Variants in EPB41L3 observed in about 807,000 individuals in gnomAD.
The protein encoded by EPB41L3 is band 4.1-like protein 3.
A neutral mutation model predicts 127.1 loss-of-function variants in EPB41L3; 57 were observed. The ratio of observed to expected loss-of-function variants is 0.45; its 90% CI spans 0.36 to 0.56. The LOEUF is 0.56. Among genes scored for constraint, EPB41L3 ranks in the 20% least tolerant of loss-of-function variants. The pLI is 0.00. For synonymous variants in EPB41L3, 572 were observed against 549.5 expected (o/e 1.04, Z -0.57); for missense variants, 1,273 against 1,372.2 (o/e 0.93, Z 1.14).
At chr18:5,481,218 GA>G (rs895316289) in intron 2 of EPB41L3, among the ~76,000 whole-genome samples, 1 of 152,160 alleles carries the variant, frequency 6.6e-6, no homozygotes, top group Admixed American at 6.5e-5. Flanking sequence ...TGGTGGCACA[GA>G]AGCAAGCTGG....
At chr18:5,398,272 C>T (rs2073921562) in intron 16 of EPB41L3, 129 bp from the exon 17 acceptor site, 2 of 1,088,998 alleles carry the variant, frequency 1.8e-6, no homozygotes, top group East Asian at 4.8e-5. Flanking sequence ...GAAGGAATCT[C>T]AGAGTTTGGA....
intron 4 of EPB41L3, 141 bp from the exon 5 acceptor site, chr18:5,444,021 A>T (rs1399082454): frequency 6.1e-6 from 4 of 659,922 alleles, no homozygotes; most frequent in Non-Finnish European, 1.0e-5. Context: ...CTTCCCCCAC[A>T]TCTGGTGCCC....
intron 3 of EPB41L3, among the ~76,000 whole-genome samples, chr18:5,552,423 C>T (rs1350882485): frequency 6.6e-6 from 1 of 152,194 alleles, no homozygotes; most frequent in Non-Finnish European, 1.5e-5. Context: ...GTAGAAGTTA[C>T]ACACGCGTAC....
intron 10 of EPB41L3, among the ~76,000 whole-genome samples, 171 bp from the exon 11 acceptor site, chr18:5,423,724 T>A (rs944287705): frequency 6.6e-6 from 1 of 152,222 alleles, no homozygotes; most frequent in Admixed American, 6.5e-5. Context: ...ATATATCAAC[T>A]AGGGATATTG....
In EPB41L3 at chr18:5,397,328, C is replaced by A; in HGVS notation, c.2571G>T (p.Leu857Phe). The change falls in exon 18 of 23, where the codon TTG (leucine) becomes TTT (phenylalanine). Residue 857 changes from leucine to phenylalanine, a missense_variant. By Grantham distance (22) the Leu-to-Phe change is conservative (BLOSUM62 0). Around this residue, in one of 3 missense-constraint regions of EPB41L3, gnomAD observed 765 missense variants for 782.9 expected, o/e 0.98. Coordinates refer to ENST00000341928, the MANE Select transcript of EPB41L3 (RefSeq NM_012307.5). The surrounding 1 kb of genome is among the most constrained non-coding windows in gnomAD (Gnocchi z 4.1). ...CGTGCACCACACGCCGCTCCTCCAC[C>A]AACACGGTCTCCTGCACCACCTTCT... Reference protein sequence around the residue: ...STEKVVQETVLVEERRVVHAS... With the variant: ...STEKVVQETVFVEERRVVHAS... 1 of 1,614,042 alleles carries A rather than the reference C, an allele frequency of 6.2e-7. No individual in the cohort carries two copies. The highest frequency in any genetic ancestry group is 8.5e-7 in the Non-Finnish European group (1 of 1,180,048).
rs71358097 is a variant in EPB41L3 at position 5,617,323 on chromosome 18, T to C, written c.-467-2900A>G. Among the ~76,000 whole-genome samples, 9 of 127,034 alleles carry C rather than the reference T, an allele frequency of 7.1e-5. No individual in the cohort carries two copies. In the East Asian group the frequency reaches 1.9e-3, roughly 27 times the overall value. 83.3% of individuals were successfully genotyped at this position (127,034 alleles called of 152,430 possible). On this transcript the variant is annotated intron_variant, in intron 1 of 21. Coordinates refer to the EPB41L3 transcript ENST00000545076. ...TACAAGTCATTCTATTATTATTATT[T>C]TTTTTTTTTTTTTGAGACGGAGTCT...
intron 8 of EPB41L3, among the ~76,000 whole-genome samples, chr18:5,433,219 C>T (rs1200146039): frequency 6.6e-6 from 1 of 152,146 alleles, no homozygotes; most frequent in Non-Finnish European, 1.5e-5. Context: ...GAGGCTTTGC[C>T]TATCACGGGC....
At chr18:5,401,587 TG>T (rs923556754) in intron 16 of EPB41L3, among the ~76,000 whole-genome samples, 2 of 152,166 alleles carry the variant, frequency 1.3e-5, no homozygotes, top group African/African-American at 4.8e-5. Context: ...ATTGATTTAT[TG>T]CCCACAAATA....
chr18:5,596,865 A>T (rs2094541763), intron 3 of EPB41L3, among the ~76,000 whole-genome samples: 1 of 152,152 alleles, frequency 6.6e-6, no homozygotes, highest in Admixed American at 6.6e-5. Context: ...TTTTAAATAT[A>T]TTTTAAAAAT....
At chr18:5,539,049 A>G (rs1480319679) in intron 1 of EPB41L3, among the ~76,000 whole-genome samples, 1 of 117,712 alleles carries the variant, frequency 8.5e-6, no homozygotes, top group Non-Finnish European at 1.7e-5. Context: ...AAATGGCCCC[A>G]TTTTTTATAC....
Position 5,393,453 on chromosome 18 carries a change from G to A in EPB41L3, c.*32C>T. 1 of 701,016 alleles carries A rather than the reference G, an allele frequency of 1.4e-6. No individual in the cohort carries two copies. Among genetic ancestry groups the A allele is most frequent in the Non-Finnish European group, 2.6e-6 (1 of 384,312 alleles). 43.4% of individuals were successfully genotyped at this position (701,016 alleles called of 1,614,324 possible). A position where few individuals can be genotyped will look rare whatever the true frequency, so the allele number is the denominator to read the frequency against. ...GGTTTTCCTAACGGTTTGCATGACT[G>A]CATTCATGTGCAAGCTAAGTTATTC... On this transcript the variant is annotated 3_prime_UTR_variant, in exon 23 of 23. Transcript: ENST00000341928.
At chr18:5,474,547 G>C (rs149316310) in intron 3 of EPB41L3, among the ~76,000 whole-genome samples, 3 of 152,094 alleles carry the variant, frequency 2.0e-5, no homozygotes, top group Non-Finnish European at 4.4e-5. Flanking sequence ...TGGCACAGTT[G>C]AGCCTTAATG....
At chr18:5,605,150 A>C (rs1281740564) in intron 3 of EPB41L3, among the ~76,000 whole-genome samples, 2 of 152,164 alleles carry the variant, frequency 1.3e-5, no homozygotes, top group African/African-American at 4.8e-5. Context: ...TCCCCACTCC[A>C]GTACTCCCCA....
At chr18:5,503,036 T>C (rs2148539403) in intron 1 of EPB41L3, among the ~76,000 whole-genome samples, 1 of 152,322 alleles carries the variant, frequency 6.6e-6, no homozygotes, top group South Asian at 2.1e-4. Flanking sequence ...CACCTCTGGA[T>C]GGTTGACTCA....
chr18:5,429,769 G>A (rs2078723794), intron 8 of EPB41L3, among the ~76,000 whole-genome samples: 2 of 152,168 alleles, frequency 1.3e-5, no homozygotes, highest in South Asian at 2.1e-4. Context: ...AAAATTTGAG[G>A]AGAACTCAAA....
chr18:5,409,867 A>G (rs1283639055), intron 14 of EPB41L3, among the ~76,000 whole-genome samples: 2 of 152,142 alleles, frequency 1.3e-5, no homozygotes, highest in Non-Finnish European at 2.9e-5. Context: ...TTAATGGTAG[A>G]GAAGATTTGA....
intron 1 of EPB41L3, among the ~76,000 whole-genome samples, chr18:5,494,270 C>T (rs997221164): frequency 2.0e-5 from 3 of 152,172 alleles, no homozygotes; most frequent in African/African-American, 4.8e-5. Context: ...TGTCCAGAGG[C>T]TCATGCTGGG....
chr18:5,465,143 G>GA (rs1221144459), intron 3 of EPB41L3, among the ~76,000 whole-genome samples: 2 of 152,118 alleles, frequency 1.3e-5, no homozygotes, highest in Non-Finnish European at 2.9e-5. Context: ...GACAGTGTGA[G>GA]AAAAAAAGCA....
chr18:5,395,529 A>G (rs1414813928), intron 20 of EPB41L3, 80 bp downstream of exon 20: 2 of 1,356,434 alleles, frequency 1.5e-6, no homozygotes, highest in Non-Finnish European at 2.1e-6. Flanking sequence ...TGTGCAGCCC[A>G]ACCTGTGAGG....
Sources: allele counts gnomAD v4.1 joint callset (sites outside exome capture counted in the v4.1 genomes callset), GRCh38; gene constraint gnomAD v4.1.1; regional missense constraint gnomAD v4.1.1; non-coding constraint Gnocchi (gnomAD v3.1); transcripts MANE v1.5; gene names NCBI Gene and HGNC (gene_info 2026-07-23, HGNC 2026-07-21).